Variants in EPAS1 observed in about 807,000 individuals in gnomAD.
EPAS1 encodes endothelial PAS domain-containing protein 1.
In EPAS1, 23 loss-of-function variants were observed where a neutral mutation model predicts 87.9. The observed-to-expected ratio is 0.26, with a 90% confidence interval of 0.19 to 0.37. The LOEUF (loss-of-function observed/expected upper bound fraction) is 0.37. Ranked by LOEUF, EPAS1 falls within the 10% of genes least tolerant of loss-of-function variation. The probability of loss-of-function intolerance (pLI) is 1.00; values close to 1 mark genes in which losing one functional copy is unlikely to be tolerated. For missense variants in EPAS1, 1,138 were observed against 1,120.7 expected (o/e 1.02, Z -0.22); for synonymous variants, 508 against 444.3 (o/e 1.14, Z -1.80).
chr2:46,382,312 G>T, intron 14 of EPAS1, 113 bp from the exon 15 acceptor site: 1 of 1,399,478 alleles, frequency 7.1e-7, no homozygotes, highest in East Asian at 2.3e-5. Flanking sequence ...AAGGTTGGCT[G>T]TAGTTCTGGT....
chr2:46,345,490 C>T (rs1468399726), intron 1 of EPAS1, among the ~76,000 whole-genome samples: 1 of 152,092 alleles, frequency 6.6e-6, no homozygotes, highest in African/African-American at 2.4e-5. Flanking sequence ...CCCACCTTCC[C>T]AGTGCAAAGC....
intron 1 of EPAS1, among the ~76,000 whole-genome samples, chr2:46,322,811 T>G (rs1479341574): frequency 2.6e-5 from 4 of 152,152 alleles, no homozygotes; most frequent in Non-Finnish European, 5.9e-5. Context: ...TGTGCTTCCC[T>G]CACTTAGTCC....
chr2:46,344,376 A>G (rs1249877601), intron 1 of EPAS1, among the ~76,000 whole-genome samples: 2 of 152,362 alleles, frequency 1.3e-5, no homozygotes, highest in East Asian at 3.9e-4. Flanking sequence ...CTTTTGCTTC[A>G]GGATGGCTTC....
At chr2:46,319,354 A>G (rs952498144) in intron 1 of EPAS1, among the ~76,000 whole-genome samples, 2 of 152,212 alleles carry the variant, frequency 1.3e-5, no homozygotes, top group African/African-American at 2.4e-5. Flanking sequence ...CAAGATTTCA[A>G]ATAAGCTCCA....
At chr2:46,351,364 A>C (rs1366526641) in intron 2 of EPAS1, among the ~76,000 whole-genome samples, 1 of 152,208 alleles carries the variant, frequency 6.6e-6, no homozygotes, top group African/African-American at 2.4e-5. Flanking sequence ...AAAGGCATGA[A>C]TCTCTCCTAG....
At chr2:46,329,648 C>T (rs1443721124) in intron 1 of EPAS1, among the ~76,000 whole-genome samples, 1 of 152,222 alleles carries the variant, frequency 6.6e-6, no homozygotes, top group East Asian at 1.9e-4. Context: ...ATAGTGAAAC[C>T]CCGTCTCTAC....
rs574768052 is a variant in EPAS1 at position 46,331,997 on chromosome 2, T to C, written c.27-14876T>C. Among the ~76,000 whole-genome samples the C allele has an allele frequency of 1.7e-3, 256 of 152,360 alleles. 1 individual carries two copies. Among genetic ancestry groups the C allele is most frequent in the Non-Finnish European group, 3.0e-3 (204 of 68,034 alleles). ...CCTGCACTCACCTGCCTGCGTGTTA[T>C]ACAACTGTTTTATCTGCTGGACAGA... is the stretch of plus-strand genomic sequence containing the variant. On this transcript the variant is annotated intron_variant, in intron 1 of 15. Coordinates refer to ENST00000263734, the MANE Select transcript of EPAS1 (RefSeq NM_001430.5).
intron 1 of EPAS1, among the ~76,000 whole-genome samples, chr2:46,308,960 T>C (rs1387192989): frequency 2.6e-5 from 4 of 152,196 alleles, no homozygotes; most frequent in Non-Finnish European, 4.4e-5. Context: ...CTTTTGAAGG[T>C]TGGGGGTGGC....
intron 1 of EPAS1, among the ~76,000 whole-genome samples, chr2:46,345,189 G>A (rs942947335): frequency 2.0e-5 from 3 of 151,878 alleles, no homozygotes; most frequent in African/African-American, 4.8e-5. Context: ...TATATTGCCC[G>A]GGCTGGTCTT....
At position 46,356,839 on chromosome 2, in the gene EPAS1, C is replaced by A. The variant is rs773238476; in HGVS notation, c.454+31C>A. On this transcript the variant is annotated intron_variant, in intron 4 of 15. Coordinates refer to ENST00000263734, the MANE Select transcript of EPAS1 (RefSeq NM_001430.5). ...CTTAATTGTGTTTACTTCCTTCTTGCCCCCACTGGGTGGGAATCTGCCTCC... is the reference window on the plus strand; with the variant it reads ...CTTAATTGTGTTTACTTCCTTCTTGACCCCACTGGGTGGGAATCTGCCTCC... 20 of 1,524,026 alleles carry A rather than the reference C, an allele frequency of 1.3e-5. No individual in the cohort carries two copies. The East Asian group carries it at 1.3e-4, about 10-fold the overall frequency. The allele number at this position is 1,524,026 out of a possible 1,614,324, so 94.4% of individuals were successfully genotyped here.
chr2:46,348,652 C>T (rs553816918), intron 2 of EPAS1, among the ~76,000 whole-genome samples: 2 of 152,342 alleles, frequency 1.3e-5, no homozygotes, highest in South Asian at 4.1e-4. Context: ...CCTCCACCCA[C>T]ACAAAGCCCC....
intron 1 of EPAS1, among the ~76,000 whole-genome samples, chr2:46,320,289 G>C (rs1253468537): frequency 6.6e-6 from 1 of 152,182 alleles, no homozygotes; most frequent in Non-Finnish European, 1.5e-5. Context: ...CCCGATTCTG[G>C]TAGGGTACTT....
chr2:46,364,855 G>A (rs963171423), intron 6 of EPAS1, among the ~76,000 whole-genome samples: 1 of 152,166 alleles, frequency 6.6e-6, no homozygotes, highest in South Asian at 2.1e-4. Flanking sequence ...CTGTGCATCT[G>A]CTATGTAACT....
At chr2:46,367,772 G>T (rs1479687655) in intron 6 of EPAS1, among the ~76,000 whole-genome samples, 1 of 152,180 alleles carries the variant, frequency 6.6e-6, no homozygotes, top group Non-Finnish European at 1.5e-5. Flanking sequence ...GCTGCTCCTT[G>T]TTTGACAAAG....
intron 4 of EPAS1, among the ~76,000 whole-genome samples, chr2:46,358,930 G>A (rs1192209601): frequency 1.3e-5 from 2 of 152,134 alleles, no homozygotes; most frequent in Non-Finnish European, 2.9e-5. Flanking sequence ...AGGTTTCTGT[G>A]CAGGGGTGGA....
At chr2:46,310,299 T>C (rs992032423) in intron 1 of EPAS1, among the ~76,000 whole-genome samples, 1 of 152,250 alleles carries the variant, frequency 6.6e-6, no homozygotes, top group Admixed American at 6.5e-5. Context: ...GCTCTCATTC[T>C]GTCCCTTTCT....
At position 46,323,894 on chromosome 2, in the gene EPAS1, T is replaced by C. The variant is rs73926256; in HGVS notation, c.27-22979T>C. Among the ~76,000 whole-genome samples the C allele has an allele frequency of 2.2e-3, 328 of 152,294 alleles. 1 individual carries two copies. The highest frequency in any genetic ancestry group is 7.4e-3 in the African/African-American group (307 of 41,564). On this transcript the variant is annotated intron_variant, in intron 1 of 15. Transcript: ENST00000263734. ...GACTGTATTGGGTGTGATTCTCCTG[T>C]CTTCTGAAATAACCCACCATGATCT...
Position 46,378,197 on chromosome 2 carries a change from A to G in EPAS1, c.1443+110A>G, listed in dbSNP as rs941536533. 108 of 1,479,366 alleles carry G rather than the reference A, an allele frequency of 7.3e-5. No individual in the cohort carries two copies. The Middle Eastern group carries it at 9.8e-4, about 13-fold the overall frequency. 91.6% of individuals were successfully genotyped at this position (1,479,366 alleles called of 1,614,324 possible). On this transcript the variant is annotated intron_variant, in intron 10 of 15. Coordinates refer to ENST00000263734, the MANE Select transcript of EPAS1 (RefSeq NM_001430.5). ...GGTACTGTCCTTCTCAGGTTATCACAGAGCCCCCTAGAGTGGCCGTGACAC... is the reference window on the plus strand; with the variant it reads ...GGTACTGTCCTTCTCAGGTTATCACGGAGCCCCCTAGAGTGGCCGTGACAC...
Position 46,361,093 on chromosome 2 carries a change from A to C in EPAS1, c.779+3A>C. On this transcript the variant is annotated splice_donor_region_variant and intron_variant, in intron 6 of 15. Transcript: ENST00000263734. ...AAGTTCACCTACTGTGATGACAGGT[A>C]GGGGGCCATGGGTGTGTATGCTGTG... 1 of 1,614,066 alleles carries C rather than the reference A, an allele frequency of 6.2e-7. No individual in the cohort carries two copies. Among genetic ancestry groups the C allele is most frequent in the Non-Finnish European group, 8.5e-7 (1 of 1,179,968 alleles).
Sources: gnomAD v4.1 joint callset for allele counts (sites outside exome capture counted in the v4.1 genomes callset) on GRCh38, gnomAD v4.1.1 for gene constraint, MANE v1.5 for transcripts, NCBI Gene and HGNC (gene_info 2026-07-23, HGNC 2026-07-21) for gene names.